The following SACS variants were observed in gnomAD, a reference collection of about 807,000 sequenced individuals.
SACS encodes the protein sacsin molecular chaperone.
A neutral mutation model predicts 348.0 loss-of-function variants in SACS; 197 were observed. That is an observed-to-expected ratio of 0.57 (90% CI 0.50 to 0.64). The LOEUF (loss-of-function observed/expected upper bound fraction) is 0.64. Among genes scored for constraint, SACS ranks in the 30% least tolerant of loss-of-function variants. SACS has a pLI of 0.00. For missense variants in SACS, 4,999 were observed against 5,360.8 expected (o/e 0.93, Z 2.11); for synonymous variants, 1,985 against 1,910.6 (o/e 1.04, Z -1.02).
Position 23,336,623 on chromosome 13 carries a change from T to C in SACS, c.7253A>G (p.Glu2418Gly), listed in dbSNP as rs1250993485. The C allele has an allele frequency of 1.9e-6, 3 of 1,613,728 alleles. No individual in the cohort carries two copies. The highest frequency in any genetic ancestry group is 1.1e-5 in the South Asian group (1 of 91,078). ...TCGTCGGCAAAGCTGAAAATTCTCT[T>C]CTGTTATTTGCTTTGTTCCTCTTTC... ...DQERGTKQITEENFQLCRRII... is the reference protein window; with the variant it reads ...DQERGTKQITGENFQLCRRII... The change falls in exon 10 of 10, where the codon GAA becomes GGA. Residue 2418 changes from glutamate to glycine, a missense_variant. Glu to Gly is a moderately conservative substitution (Grantham distance 98, BLOSUM62 -2). This residue lies in a region of SACS where 3,156 missense variants were observed against 3,380.1 expected (regional missense o/e 0.93). Coordinates refer to ENST00000382292, the MANE Select transcript of SACS (RefSeq NM_014363.6).
chr13:23,399,037 A>AAAAAAAAAAAAAAAAC (rs55848856), intron 2 of SACS, among the ~76,000 whole-genome samples: 1 of 149,862 alleles, frequency 6.7e-6, no homozygotes, highest in African/African-American at 2.5e-5. Context: ...AAAAAAAAAA[A>AAAAAAAAAAAAAAAAC]CATGGATGCC....
chr13:23,420,053 T>C (rs1023431325), intron 1 of SACS, among the ~76,000 whole-genome samples: 1 of 152,126 alleles, frequency 6.6e-6, no homozygotes, highest in Non-Finnish European at 1.5e-5. Context: ...TGGGACCTGG[T>C]GTTCACCTAG....
Position 23,375,395 on chromosome 13 carries a change from C to A in SACS, c.21-126G>T, listed in dbSNP as rs1871701732. On this transcript the variant is annotated intron_variant, in intron 2 of 9. Transcript: ENST00000382292. ...CGGCAGGCGCCCCTAGCGCCCGCCC[C>A]TGACGCCGGCGCCCGATCACGGCCG... 1.6e-5 allele frequency: 20 copies of A among 1,236,930 alleles called. No individual in the cohort carries two copies. In the South Asian group the frequency reaches 1.7e-4, roughly 11 times the overall value. The allele number at this position is 1,236,930 out of a possible 1,614,324, so 76.6% of individuals were successfully genotyped here. A position where few individuals can be genotyped will look rare whatever the true frequency, so the allele number is the denominator to read the frequency against.
chr13:23,363,673 T>C (rs1870885305), intron 6 of SACS, among the ~76,000 whole-genome samples: 1 of 152,186 alleles, frequency 6.6e-6, no homozygotes, highest in African/African-American at 2.4e-5. Flanking sequence ...CTCCTTACAC[T>C]CTTACCTTAG....
At chr13:23,409,040 CTTTTTTTTTTTT>C (rs1175897856) in intron 2 of SACS, among the ~76,000 whole-genome samples, 18 of 35,150 alleles carry the variant, frequency 5.1e-4, no homozygotes, top group African/African-American at 1.8e-3. Flanking sequence ...ACAAGTTTTA[CTTTTTTTTTTTT>C]TTTTTTTTTT....
Position 23,339,161 on chromosome 13 carries a change from A to T in SACS, c.4715T>A (p.Ile1572Asn), listed in dbSNP as rs1868955493. 1 of 1,612,560 alleles carries T rather than the reference A, an allele frequency of 6.2e-7. No homozygotes were observed. Among genetic ancestry groups the T allele is most frequent in the Non-Finnish European group, 8.5e-7 (1 of 1,179,120 alleles). ...CATTATCATGAATTCCCGACTCATAATGATGGGAATGTCAGTGATATGGTA... is the reference window on the plus strand; with the variant it reads ...CATTATCATGAATTCCCGACTCATATTGATGGGAATGTCAGTGATATGGTA... Reference protein sequence around the residue: ...SVYHITDIPIIMSREFMIMFD... With the variant: ...SVYHITDIPINMSREFMIMFD... Residue 1572 changes from isoleucine (I) to asparagine (N), a missense_variant, in exon 10 of 10, where the codon ATT (isoleucine) becomes AAT (asparagine). Coordinates refer to ENST00000382292, the MANE Select transcript of SACS (RefSeq NM_014363.6).
At chr13:23,358,195 T>G (rs542459835) in intron 7 of SACS, 140 bp downstream of exon 7, 2 of 852,774 alleles carry the variant, frequency 2.3e-6, no homozygotes, top group Non-Finnish European at 3.8e-6. Context: ...GATATTTCAT[T>G]GACATACCTC....
rs142791859 is a variant in SACS at position 23,351,329 on chromosome 13, G to A, written c.2185+2456C>T. Among the ~76,000 whole-genome samples the A allele has an allele frequency of 5.0e-3, 769 of 152,334 alleles. 5 individuals are homozygous for A. Among genetic ancestry groups the A allele is most frequent in the Middle Eastern group, 0.037 (11 of 294 alleles). On this transcript the variant is annotated intron_variant, in intron 9 of 9. Transcript: ENST00000382292. ...TAAAGGCTAGTGATATGGTTTGGCT[G>A]TGTCCCCACCCAAATCTCATCTTGA...
chr13:23,371,084 CT>C lies in SACS; in HGVS notation c.252del (p.Gly86GlufsTer19). ...LFVNLQSKGL[K>X]GGGRFGQTTP... ...GGTAAAGTCAATATTATACCTCCCC[CT>C]TTTAAGCCTTTTGATTGAAGGTTTA... is the stretch of plus-strand genomic sequence containing the variant. On this transcript the variant is annotated frameshift_variant, in exon 4 of 10. Coordinates refer to ENST00000382292, the MANE Select transcript of SACS (RefSeq NM_014363.6). LOFTEE classifies it high-confidence loss of function. 2 of 1,595,800 alleles carry C rather than the reference CT, an allele frequency of 1.3e-6. No individual in the cohort carries two copies. Among genetic ancestry groups the C allele is most frequent in the Non-Finnish European group, 1.7e-6 (2 of 1,163,796 alleles).
At chr13:23,370,376 CATT>C (rs1452275199) in intron 4 of SACS, among the ~76,000 whole-genome samples, 1 of 152,228 alleles carries the variant, frequency 6.6e-6, no homozygotes, top group Non-Finnish European at 1.5e-5. Context: ...ATCAAACTAT[CATT>C]GTCAGTGCCA....
chr13:23,424,778 A>G lies in SACS; in HGVS notation c.-502+8837T>C, dbSNP rs1478166117. On this transcript the variant is annotated intron_variant, in intron 1 of 9. Coordinates refer to ENST00000382292, the MANE Select transcript of SACS (RefSeq NM_014363.6). ...CAGTACTAATAACGAAAACCAAGCT[A>G]TGTACAAAGAAGCTTTGTGATGTGC... is the stretch of plus-strand genomic sequence containing the variant. Among the ~76,000 whole-genome samples the G allele has an allele frequency of 2.6e-5, 4 of 152,164 alleles. No homozygotes were observed. The East Asian group carries it at 7.7e-4, about 29-fold the overall frequency.
chr13:23,393,896 G>A (rs1171611247), intron 2 of SACS, among the ~76,000 whole-genome samples: 1 of 152,148 alleles, frequency 6.6e-6, no homozygotes, highest in African/African-American at 2.4e-5. Context: ...GAGTAGCTGG[G>A]ACTACAGGCG....
chr13:23,388,665 T>C (rs1409408933), intron 2 of SACS, among the ~76,000 whole-genome samples: 2 of 132,222 alleles, frequency 1.5e-5, no homozygotes, highest in Non-Finnish European at 3.1e-5. Context: ...CACTTATAAG[T>C]AGGAGCTAAG....
At chr13:23,403,436 T>C (rs1873070246) in intron 2 of SACS, among the ~76,000 whole-genome samples, 2 of 152,206 alleles carry the variant, frequency 1.3e-5, no homozygotes, top group African/African-American at 4.8e-5. Context: ...GAACTTGTTA[T>C]TGGTCTATTC....
Position 23,335,681 on chromosome 13 carries a change from G to T in SACS, c.8195C>A (p.Ser2732Ter). ...AAACATTAGAAGTTCTGCCCCATCT[G>T]AGCGCAGTTTGTCCAAAAGATTCTG... ...MVQNLLDKLR[S>*]DGAELLMFLN... Residue 2732 changes from serine to a stop codon, truncating the protein, a stop_gained, in exon 10 of 10, where the codon TCA becomes TAA. Coordinates refer to ENST00000382292, the MANE Select transcript of SACS (RefSeq NM_014363.6). LOFTEE classifies it high-confidence loss of function. The surrounding 1 kb of genome is among the most constrained non-coding windows in gnomAD (Gnocchi z 4.7). 1 of 1,614,018 alleles carries T rather than the reference G, an allele frequency of 6.2e-7. No individual in the cohort carries two copies. The highest frequency in any genetic ancestry group is 1.1e-5 in the South Asian group (1 of 91,078).
chr13:23,391,450 G>A (rs1389130253), intron 2 of SACS, among the ~76,000 whole-genome samples: 2 of 152,144 alleles, frequency 1.3e-5, no homozygotes, highest in Non-Finnish European at 2.9e-5. Flanking sequence ...ACAGGAGCTG[G>A]GAGTAAGGAA....
chr13:23,354,958 G>C lies in SACS; in HGVS notation c.1654C>G (p.Leu552Val), dbSNP rs767218921. The C allele has an allele frequency of 2.4e-5, 39 of 1,614,118 alleles. No homozygotes were observed. The highest frequency in any genetic ancestry group is 3.2e-5 in the Non-Finnish European group (38 of 1,180,054). ...KVHWQPVLEP[L>V]FSELLQNAVI... ...GCATTCTGCAACAGCTCGCTGAATAGAGGCTCTAACACCGGTTGCCAGTGC... is the reference window on the plus strand; with the variant it reads ...GCATTCTGCAACAGCTCGCTGAATACAGGCTCTAACACCGGTTGCCAGTGC... Residue 552 changes from leucine (L) to valine (V), a missense_variant, in exon 8 of 10, where the codon CTA becomes GTA. Around this residue, in one of 6 missense-constraint regions of SACS, gnomAD observed 3,156 missense variants for 3,380.1 expected, o/e 0.93. Transcript: ENST00000382292.
At chr13:23,401,196 A>C (rs899823055) in intron 2 of SACS, among the ~76,000 whole-genome samples, 1 of 152,208 alleles carries the variant, frequency 6.6e-6, no homozygotes, top group Admixed American at 6.5e-5. Context: ...TGGGCCCCCA[A>C]AATCGCTCAG....
At chr13:23,427,101 C>G (rs1874218917) in intron 1 of SACS, 1 of 152,202 alleles carries the variant, frequency 6.6e-6, no homozygotes, top group South Asian at 2.1e-4. Context: ...CATCCCTAAA[C>G]AGGGCCAGCT....
Sources: gnomAD v4.1 joint callset for allele counts (sites outside exome capture counted in the v4.1 genomes callset) on GRCh38, gnomAD v4.1.1 for gene constraint, gnomAD v4.1.1 regional missense constraint, Gnocchi (gnomAD v3.1) non-coding constraint, MANE v1.5 for transcripts, NCBI Gene and HGNC (gene_info 2026-07-23, HGNC 2026-07-21) for gene names.